The following ZAN variants were observed in gnomAD, a reference collection of about 807,000 sequenced individuals.
ZAN encodes the protein zonadhesin.
ZAN carries 260 observed loss-of-function variants against 286.2 expected under a neutral mutation model. The ratio of observed to expected loss-of-function variants is 0.91; its 90% CI spans 0.82 to 1.01. ZAN has a LOEUF of 1.01. Ranked by LOEUF, ZAN falls within the 50% of genes least tolerant of loss-of-function variation. The probability of loss-of-function intolerance (pLI) is 0.00; values close to 1 mark genes in which losing one functional copy is unlikely to be tolerated. For synonymous variants in ZAN, 1,368 were observed against 1,417.5 expected (o/e 0.97, Z 0.79); for missense variants, 3,410 against 3,639.2 (o/e 0.94, Z 1.62).
chr7:100,764,511 T>TA (rs1055602368), intron 22 of ZAN, among the ~76,000 whole-genome samples: 9 of 120,394 alleles, frequency 7.5e-5, no homozygotes, highest in Non-Finnish European at 1.1e-4. Flanking sequence ...TAAAATAAAA[T>TA]AAATAAATAA....
chr7:100,773,836 T>C lies in ZAN; in HGVS notation c.5750T>C (p.Leu1917Pro). 1 of 1,570,106 alleles carries C rather than the reference T, an allele frequency of 6.4e-7. No homozygotes were observed. Among genetic ancestry groups the C allele is most frequent in the Non-Finnish European group, 8.6e-7 (1 of 1,163,066 alleles). ...TCKPNQICWA[L>P]DGLLHCRASG... ...AAACCCAACCAGATATGCTGGGCCC[T>C]GGATGGGCTGCTCCATTGTCGGGCC... The change falls in exon 31 of 48, where the codon CTG becomes CCG. Residue 1917 changes from leucine to proline, a missense_variant. Physicochemically the swap from Leu to Pro is moderately conservative, Grantham distance 98. Transcript: ENST00000613979.
In ZAN at chr7:100,756,892, C is replaced by T. The variant is rs533237721; in HGVS notation, c.3310-1310C>T. ...CAAGCGATTCTCCTGCCTCAGACTC[C>T]GGAGTACCTGGGATTACGGGCATGC... On this transcript the variant is annotated intron_variant, in intron 15 of 47. Coordinates refer to ENST00000613979, the MANE Select transcript of ZAN (RefSeq NM_003386.3). Among the ~76,000 whole-genome samples the T allele has an allele frequency of 2.8e-3, 428 of 152,210 alleles. 1 individual carries two copies. Among genetic ancestry groups the T allele is most frequent in the African/African-American group, 8.0e-3 (334 of 41,554 alleles).
intron 28 of ZAN, 24 bp from the exon 29 acceptor site, chr7:100,771,820 C>T (rs1810383400): frequency 6.3e-7 from 1 of 1,596,936 alleles, no homozygotes; most frequent in Non-Finnish European, 8.6e-7. Context: ...TCCCCTGGCT[C>T]ATCTGCCTTC....
rs777578042 is a variant in ZAN, at chr7:100,792,073, C to A, written c.7637C>A (p.Ala2546Asp). ...PEQLASNSTQ[A>D]CRVLADPQGP... is the part of the protein sequence containing the mutation. ...CAGCTGGCGAGCAACAGCACCCAGG[C>A]CTGTAGGGTGCTGGCAGACCCCCAG... The change falls in exon 41 of 48, where the codon GCC becomes GAC. Residue 2546 changes from alanine (A) to aspartate (D), a missense_variant. Physicochemically the swap from Ala to Asp is moderately radical, Grantham distance 126. Coordinates refer to ENST00000613979, the MANE Select transcript of ZAN (RefSeq NM_003386.3). 1.2e-5 allele frequency: 19 copies of A among 1,613,148 alleles called. No homozygotes were observed. The highest frequency in any genetic ancestry group is 1.6e-5 in the Non-Finnish European group (19 of 1,179,768).
At chr7:100,751,293 AG>A in intron 13 of ZAN, 27 bp downstream of exon 13, 2 of 1,522,624 alleles carry the variant, frequency 1.3e-6, no homozygotes, top group Non-Finnish European at 8.8e-7. Flanking sequence ...GGCTCCAGGA[AG>A]GGGGCGGTGC....
At chr7:100,734,392 G>A (rs1807158137) in intron 2 of ZAN, among the ~76,000 whole-genome samples, 171 bp downstream of exon 2, 1 of 140,628 alleles carries the variant, frequency 7.1e-6, no homozygotes, top group African/African-American at 2.6e-5. Context: ...GGCTGAGGTG[G>A]GCAGATCACG....
At chr7:100,772,544 G>A (rs1421630120) in intron 29 of ZAN, among the ~76,000 whole-genome samples, 5 of 151,964 alleles carry the variant, frequency 3.3e-5, no homozygotes, top group East Asian at 2.0e-4. Flanking sequence ...AATTGTTGCC[G>A]GGCGCGGTGG....
In ZAN at chr7:100,746,547, A is replaced by G; in HGVS notation, c.776A>G (p.Tyr259Cys). The G allele has an allele frequency of 1.9e-6, 3 of 1,613,886 alleles. No homozygotes were observed. Among genetic ancestry groups the G allele is most frequent in the Non-Finnish European group, 2.5e-6 (3 of 1,179,864 alleles). ...GCCTTTTGCTTCACAGGTGGCTGCTACATGCTCCTGGACCCCAAGAATGCA... is the reference window on the plus strand; with the variant it reads ...GCCTTTTGCTTCACAGGTGGCTGCTGCATGCTCCTGGACCCCAAGAATGCA... ...GDFSSPGSGC[Y>C]MLLDPKNARP... The change falls in exon 8 of 48, where the codon TAC (tyrosine) becomes TGC (cysteine). Residue 259 changes from tyrosine to cysteine, a missense_variant. Around this residue, in one of 7 missense-constraint regions of ZAN, gnomAD observed 872 missense variants for 938.9 expected, o/e 0.93. Coordinates refer to ENST00000613979, the MANE Select transcript of ZAN (RefSeq NM_003386.3).
rs61256171 is a variant in ZAN, at chr7:100,787,837, C to G, written c.6980-52C>G. ...TTGGCCTCCCAAAGTCCTGGGATTACAGGCGTGAGCCACTGCGCCCGGCCC... is the reference window on the plus strand; with the variant it reads ...TTGGCCTCCCAAAGTCCTGGGATTAGAGGCGTGAGCCACTGCGCCCGGCCC... On this transcript the variant is annotated intron_variant, in intron 37 of 47. Transcript: ENST00000613979. 20,920 of 1,422,348 alleles carry G rather than the reference C, an allele frequency of 0.015. 1,726 individuals are homozygous for G. The African/African-American group carries it at 0.21, about 14-fold the overall frequency. The allele number at this position is 1,422,348 out of a possible 1,614,324, so 88.1% of individuals were successfully genotyped here. A position where few individuals can be genotyped will look rare whatever the true frequency, so the allele number is the denominator to read the frequency against.
intron 28 of ZAN, 38 bp from the exon 29 acceptor site, chr7:100,771,806 C>T (rs1427334480): frequency 1.3e-6 from 2 of 1,585,852 alleles, no homozygotes; most frequent in Admixed American, 1.7e-5. Context: ...TCCTTCCCGG[C>T]CCCTCCCCTG....
chr7:100,748,089 G>C, intron 9 of ZAN, 48 bp from the exon 10 acceptor site: 1 of 1,517,060 alleles, frequency 6.6e-7, no homozygotes. Flanking sequence ...AGGGGCTTGG[G>C]GGTGTGGGCT....
chr7:100,774,953 G>A (rs1810650713), intron 31 of ZAN, among the ~76,000 whole-genome samples: 1 of 142,892 alleles, frequency 7.0e-6, no homozygotes. Context: ...TGTTTTTGAT[G>A]CAGTGTCTCT....
At chr7:100,773,060 C>T (rs1045431581) in intron 29 of ZAN, among the ~76,000 whole-genome samples, 6 of 151,624 alleles carry the variant, frequency 4.0e-5, no homozygotes, top group East Asian at 2.0e-4. Flanking sequence ...TGTGCCACCA[C>T]GCCTGGCTAA....
chr7:100,737,595 A>G (rs1807406411), intron 6 of ZAN, among the ~76,000 whole-genome samples: 1 of 140,018 alleles, frequency 7.1e-6, no homozygotes, highest in Admixed American at 7.1e-5. Flanking sequence ...AGTCCCAGCT[A>G]CTTGGGAGGC....
chr7:100,776,442 C>T lies in ZAN; in HGVS notation c.6195C>T (p.Val2065=). 6.2e-7 allele frequency: 1 copy of T among 1,605,624 alleles called. No homozygotes were observed. Among genetic ancestry groups the T allele is most frequent in the Non-Finnish European group, 8.5e-7 (1 of 1,176,028 alleles). ...IEIPTTYYGK[V]CGMCGNFNDE... ...GAAAAACCACTCTCCCCCGCCAGGTCTGCGGCATGTGTGGGAACTTCAATG... is the reference window on the plus strand; with the variant it reads ...GAAAAACCACTCTCCCCCGCCAGGTTTGCGGCATGTGTGGGAACTTCAATG... The change falls in exon 34 of 48, where the codon GTC becomes GTT. Residue 2065 remains valine, a splice_region_variant and synonymous_variant. Transcript: ENST00000613979.
At position 100,748,207 on chromosome 7, in the gene ZAN, C is replaced by T. The variant is rs754804644; in HGVS notation, c.1094C>T (p.Pro365Leu). The T allele has an allele frequency of 6.2e-7, 1 of 1,613,856 alleles. No homozygotes were observed. The highest frequency in any genetic ancestry group is 1.7e-5 in the Admixed American group (1 of 59,986). Residue 365 changes from proline to leucine, a missense_variant, in exon 10 of 48, where the codon CCT (proline) becomes CTT (leucine). Physicochemically the swap from Pro to Leu is moderately conservative, Grantham distance 98. Transcript: ENST00000613979. The stretch of plus-strand genomic sequence containing the variant: ...GCAGTTGATGCAACCAGCATTGCTC[C>T]TTGTGGGGGTGAGAGCAGGCCCTGA... Reference protein sequence around the residue: ...AVAVDATSIAPCGEGFPQCDF... With the variant: ...AVAVDATSIALCGEGFPQCDF...
At chr7:100,745,717 A>G (rs1234800133) in intron 7 of ZAN, among the ~76,000 whole-genome samples, 1 of 143,440 alleles carries the variant, frequency 7.0e-6, no homozygotes, top group Non-Finnish European at 1.5e-5. Context: ...GAGACCGCCC[A>G]TCTCTTAAAA....
At chr7:100,733,976 G>T in intron 1 of ZAN, 51 bp from the exon 2 acceptor site, 5 of 389,588 alleles carry the variant, frequency 1.3e-5, no homozygotes, top group Non-Finnish European at 2.4e-5. Context: ...TTCAATCTAC[G>T]ATGCTTCTAC....
rs561270156 is a variant in ZAN at position 100,765,689 on chromosome 7, G to A, written c.4470+135G>A. On this transcript the variant is annotated intron_variant, in intron 23 of 47. Coordinates refer to ENST00000613979, the MANE Select transcript of ZAN (RefSeq NM_003386.3). ...TTTTGAGACGGAGTTTTGCTCTGTC[G>A]CCAGGCTGGAGTGCAGTGGCACGAT... 1.4e-4 allele frequency: 172 copies of A among 1,190,270 alleles called. No homozygotes were observed. In the African/African-American group the frequency reaches 1.9e-3, roughly 13 times the overall value. 73.7% of individuals were successfully genotyped at this position (1,190,270 alleles called of 1,614,324 possible).
Sources: gnomAD v4.1 joint callset for allele counts (sites outside exome capture counted in the v4.1 genomes callset) on GRCh38, gnomAD v4.1.1 for gene constraint, gnomAD v4.1.1 regional missense constraint, MANE v1.5 for transcripts, NCBI Gene and HGNC (gene_info 2026-07-23, HGNC 2026-07-21) for gene names.